IGSF11: variants seen among roughly 807,000 people sequenced by gnomAD.
IGSF11 encodes the protein CXADR like 1.
Under a neutral mutation model 41.0 loss-of-function variants are expected in IGSF11, and 22 were observed. The ratio of observed to expected loss-of-function variants is 0.54; its 90% CI spans 0.38 to 0.77. IGSF11 has a LOEUF of 0.77. Among genes scored for constraint, IGSF11 ranks in the 30% least tolerant of loss-of-function variants. The probability of loss-of-function intolerance (pLI) is 0.00; values close to 1 mark genes in which losing one functional copy is unlikely to be tolerated. For synonymous variants in IGSF11, 219 were observed against 201.3 expected (o/e 1.09, Z -0.74); for missense variants, 444 against 530.8 (o/e 0.84, Z 1.61).
At chr3:119,035,006 A>G (rs1195440814), upstream of IGSF11, 1 of 212,958 alleles carries the variant, frequency 4.7e-6, no homozygotes, top group African/African-American at 2.4e-5. Context: ...CGCGGAGCAG[A>G]GCGCGGCGCG....
At chr3:119,095,251 T>G (rs942080963) in intron 1 of IGSF11, among the ~76,000 whole-genome samples, 1 of 152,130 alleles carries the variant, frequency 6.6e-6, no homozygotes, top group South Asian at 2.1e-4. Flanking sequence ...CTAATAACCA[T>G]AGACTATAAA....
intron 1 of IGSF11, among the ~76,000 whole-genome samples, chr3:119,046,889 C>T (rs1428712805): frequency 6.1e-5 from 9 of 146,510 alleles, no homozygotes; most frequent in Admixed American, 3.4e-4. Flanking sequence ...TCATATCCAG[C>T]CAAACTAAGC....
Position 119,058,916 on chromosome 3 carries a change from T to A in IGSF11, c.49+46228A>T, listed in dbSNP as rs376801170. Among the ~76,000 whole-genome samples, 8 of 151,918 alleles carry A rather than the reference T, an allele frequency of 5.3e-5. No individual in the cohort carries two copies. The South Asian group carries it at 1.5e-3, about 28-fold the overall frequency. On this transcript the variant is annotated intron_variant, in intron 1 of 6. Transcript: ENST00000354673. ...ACATGTTCTCACTCATAGGTGGGAATTGAACAATGAGAACACATGGACACA... is the reference window on the plus strand; with the variant it reads ...ACATGTTCTCACTCATAGGTGGGAAATGAACAATGAGAACACATGGACACA...
At chr3:119,066,795 C>T (rs1399702650) in intron 1 of IGSF11, among the ~76,000 whole-genome samples, 2 of 152,108 alleles carry the variant, frequency 1.3e-5, no homozygotes, top group Admixed American at 6.5e-5. Context: ...AATTGTCTTC[C>T]AGTTCACTTA....
intron 1 of IGSF11, among the ~76,000 whole-genome samples, chr3:119,090,339 T>C (rs2076743772): frequency 6.6e-6 from 1 of 152,210 alleles, no homozygotes; most frequent in Non-Finnish European, 1.5e-5. Flanking sequence ...AAGCTATTCC[T>C]ATCAAACTAC....
Position 118,955,333 on chromosome 3 carries a change from C to T in IGSF11, c.53-25058G>A, listed in dbSNP as rs566244905. 3.1e-4 allele frequency among the ~76,000 whole-genome samples: 47 copies of T among 151,920 alleles called. 1 individual carries two copies. The highest frequency in any genetic ancestry group is 8.9e-4 in the African/African-American group (37 of 41,450). On this transcript the variant is annotated intron_variant, in intron 1 of 6. Transcript: ENST00000393775. ...GCATTCACAGCAACCCAGATGGAAC[C>T]GGAGACCATTATTCTAAGTGAAGTA...
intron 1 of IGSF11, among the ~76,000 whole-genome samples, chr3:119,051,673 T>G (rs1941633079): frequency 6.6e-6 from 1 of 152,174 alleles, no homozygotes; most frequent in South Asian, 2.1e-4. Context: ...CTGCACAATA[T>G]ACATTCTATT....
At chr3:119,080,874 C>T (rs2076575356) in intron 1 of IGSF11, among the ~76,000 whole-genome samples, 1 of 152,066 alleles carries the variant, frequency 6.6e-6, no homozygotes, top group African/African-American at 2.4e-5. Flanking sequence ...CCCAGTTTAA[C>T]TAATTCCCCA....
Position 118,902,939 on chromosome 3 carries a change from A to C in IGSF11, c.877T>G (p.Cys293Gly), listed in dbSNP as rs759822063. The C allele has an allele frequency of 1.9e-5, 30 of 1,613,704 alleles. No individual in the cohort carries two copies. In the South Asian group the frequency reaches 3.3e-4, roughly 18 times the overall value. Residue 293 changes from cysteine to glycine, a missense_variant, in exon 7 of 7, where the codon TGT becomes GGT. Cys to Gly is a radical substitution (Grantham distance 159). This residue lies in a region of IGSF11 where 223 missense variants were observed against 226.2 expected (regional missense o/e 0.99). Transcript: ENST00000393775. ...EIREDDLPPK[C>G]SSAKAFHTEI... is the part of the protein sequence containing the mutation. ...GTGTGAAATGCTTTGGCAGAAGAAC[A>C]CTTGGGTGGAAGATCATCCTCTCTG...
chr3:118,931,520 C>T (rs1942848941), intron 1 of IGSF11, among the ~76,000 whole-genome samples: 1 of 152,098 alleles, frequency 6.6e-6, no homozygotes, highest in Admixed American at 6.6e-5. Context: ...CACGAGCCTC[C>T]CAAAACATAT....
At chr3:119,016,569 G>C (rs71325355) in intron 1 of IGSF11, among the ~76,000 whole-genome samples, 3,620 of 152,274 alleles carry the variant, frequency 0.024, 71 homozygotes, top group Middle Eastern at 0.037. Context: ...GCATAACAGA[G>C]CTTCAAATGA....
chr3:118,996,454 A>G (rs1260007397), intron 1 of IGSF11, among the ~76,000 whole-genome samples: 14 of 152,306 alleles, frequency 9.2e-5, no homozygotes, highest in Admixed American at 9.2e-4. Context: ...CTTGATTTCT[A>G]CAACAGCCTC....
At chr3:119,006,506 A>G (rs879585654) in intron 1 of IGSF11, among the ~76,000 whole-genome samples, 4,154 of 130,004 alleles carry the variant, frequency 0.032, 106 homozygotes, top group Non-Finnish European at 0.041. Flanking sequence ...GTTGCTGCTG[A>G]GGAACTGCGC....
At chr3:118,923,479 T>A (rs1942018612) in intron 4 of IGSF11, among the ~76,000 whole-genome samples, 1 of 152,228 alleles carries the variant, frequency 6.6e-6, no homozygotes, top group Non-Finnish European at 1.5e-5. Context: ...TTAGCTAATC[T>A]ATAGTTTATA....
At chr3:119,128,776 A>G (rs1345919223) in intron 1 of IGSF11, among the ~76,000 whole-genome samples, 2 of 152,188 alleles carry the variant, frequency 1.3e-5, no homozygotes, top group Non-Finnish European at 2.9e-5. Flanking sequence ...AGAATCTAGA[A>G]CCAGAAATAC....
intron 1 of IGSF11, among the ~76,000 whole-genome samples, chr3:118,973,323 A>C (rs1477849273): frequency 1.3e-5 from 2 of 152,248 alleles, no homozygotes; most frequent in Non-Finnish European, 2.9e-5. Flanking sequence ...GCATGCACCC[A>C]GAAGCTGAAT....
In IGSF11 at chr3:118,910,297, T is replaced by C. The variant is rs565534086; in HGVS notation, c.581-4579A>G. Among the ~76,000 whole-genome samples, 130 of 152,278 alleles carry C rather than the reference T, an allele frequency of 8.5e-4. 1 individual carries two copies. The Middle Eastern group carries it at 0.02, about 24-fold the overall frequency. On this transcript the variant is annotated intron_variant, in intron 4 of 6. Transcript: ENST00000393775. Reference sequence around the variant, plus strand: ...TTTCCTCAAGCAAACTTCTACAAATTTCTCTTCTGAGTTAAGATGGTTACT... The same window carrying C: ...TTTCCTCAAGCAAACTTCTACAAATCTCTCTTCTGAGTTAAGATGGTTACT...
At chr3:118,938,005 ATATC>A (rs1444642739) in intron 1 of IGSF11, among the ~76,000 whole-genome samples, 1 of 151,626 alleles carries the variant, frequency 6.6e-6, no homozygotes, top group Non-Finnish European at 1.5e-5. Flanking sequence ...TTTCCAAAAG[ATATC>A]TCTCTCTCTC....
Position 119,095,704 on chromosome 3 carries a change from C to A in IGSF11, c.49+9440G>T, listed in dbSNP as rs558291940. On this transcript the variant is annotated intron_variant, in intron 1 of 6. Coordinates refer to the IGSF11 transcript ENST00000354673. ...AAAAAAACAACATTGAGTTAGAGACCATGGCCTACACATGCAGTAGGTTGC... is the reference window on the plus strand; with the variant it reads ...AAAAAAACAACATTGAGTTAGAGACAATGGCCTACACATGCAGTAGGTTGC... 1.4e-4 allele frequency among the ~76,000 whole-genome samples: 21 copies of A among 152,274 alleles called. No individual in the cohort carries two copies. In the East Asian group the frequency reaches 4.1e-3, roughly 29 times the overall value.
Sources: gnomAD v4.1 joint callset for allele counts (sites outside exome capture counted in the v4.1 genomes callset) on GRCh38, gnomAD v4.1.1 for gene constraint, gnomAD v4.1.1 regional missense constraint, MANE v1.5 for transcripts, NCBI Gene and HGNC (gene_info 2026-07-23, HGNC 2026-07-21) for gene names.